PRKN: variants seen among roughly 807,000 people sequenced by gnomAD.
PRKN encodes parkin RBR E3 ubiquitin protein ligase.
A neutral mutation model predicts 59.5 loss-of-function variants in PRKN; 56 were observed. The ratio of observed to expected loss-of-function variants is 0.94; its 90% CI spans 0.76 to 1.18. PRKN has a LOEUF of 1.18. PRKN is among the 50% of genes most tolerant of loss of function. The probability of loss-of-function intolerance (pLI) is 0.00; values close to 1 mark genes in which losing one functional copy is unlikely to be tolerated. For missense variants in PRKN, 657 were observed against 596.4 expected (o/e 1.10, Z -1.06); for synonymous variants, 250 against 222.1 (o/e 1.13, Z -1.12).
chr6:161,661,405 C>G (rs757756748), intron 7 of PRKN, among the ~76,000 whole-genome samples: 25 of 152,130 alleles, frequency 1.6e-4, no homozygotes, highest in Non-Finnish European at 2.8e-4. Context: ...CTGGAACTCC[C>G]CTCCCAGATA....
chr6:161,938,284 A>G (rs1184158154), intron 6 of PRKN, among the ~76,000 whole-genome samples: 7 of 152,172 alleles, frequency 4.6e-5, no homozygotes, highest in African/African-American at 1.7e-4. Flanking sequence ...GCATTAATAC[A>G]TTTTCAGGAC....
At chr6:162,558,638 T>C (rs1269130108) in intron 1 of PRKN, among the ~76,000 whole-genome samples, 1 of 143,030 alleles carries the variant, frequency 7.0e-6, no homozygotes, top group Non-Finnish European at 1.5e-5. Flanking sequence ...AATTTTCTAC[T>C]TTTTTTTTTT....
intron 6 of PRKN, among the ~76,000 whole-genome samples, chr6:161,803,590 G>C (rs1239048035): frequency 6.6e-6 from 1 of 152,200 alleles, no homozygotes; most frequent in Non-Finnish European, 1.5e-5. Flanking sequence ...CCCAGCCCCA[G>C]CTCAACTCGG....
At chr6:162,109,054 T>C (rs867629217) in intron 4 of PRKN, among the ~76,000 whole-genome samples, 15 of 152,296 alleles carry the variant, frequency 9.8e-5, no homozygotes, top group Middle Eastern at 6.8e-3. Context: ...TTTAATTTCA[T>C]GGGGTGGATT....
intron 7 of PRKN, among the ~76,000 whole-genome samples, chr6:161,628,533 T>C (rs533455524): frequency 1.2e-4 from 18 of 152,334 alleles, no homozygotes; most frequent in African/African-American, 3.6e-4. Flanking sequence ...GAGTTCACCA[T>C]ATACATTTTG....
At chr6:162,388,731 T>C (rs1786985522) in intron 2 of PRKN, among the ~76,000 whole-genome samples, 1 of 152,118 alleles carries the variant, frequency 6.6e-6, no homozygotes, top group Non-Finnish European at 1.5e-5. Context: ...TGGACCCCTC[T>C]CTCTTCTCCA....
At chr6:162,390,425 AC>A (rs1237939000) in intron 2 of PRKN, among the ~76,000 whole-genome samples, 6 of 141,492 alleles carry the variant, frequency 4.2e-5, no homozygotes, top group African/African-American at 1.4e-4. Flanking sequence ...ACACACACAC[AC>A]ACCTTATATA....
intron 2 of PRKN, among the ~76,000 whole-genome samples, chr6:162,342,821 C>T (rs1186226446): frequency 6.6e-6 from 1 of 152,154 alleles, no homozygotes; most frequent in East Asian, 1.9e-4. Flanking sequence ...CCTTTGGCTT[C>T]TAATCCCTAA....
In PRKN at chr6:161,678,737, T is replaced by C. The variant is rs543105350; in HGVS notation, c.871+107035A>G. On this transcript the variant is annotated intron_variant, in intron 7 of 11. Transcript: ENST00000366898. ...GCACCACCATGCCTGGCTAATTTTT[T>C]TGTATTTTTAATAGAGATGGGGTTT... Among the ~76,000 whole-genome samples the C allele has an allele frequency of 1.4e-3, 211 of 152,166 alleles. 2 individuals carry two copies. Among genetic ancestry groups the C allele is most frequent in the Non-Finnish European group, 1.6e-3 (107 of 68,010 alleles).
At chr6:162,227,549 G>A (rs758502823) in intron 3 of PRKN, among the ~76,000 whole-genome samples, 5 of 152,056 alleles carry the variant, frequency 3.3e-5, no homozygotes, top group African/African-American at 9.7e-5. Flanking sequence ...TAGAAATGGC[G>A]CAAATATGTG....
At chr6:162,319,483 T>C (rs1782894710) in intron 2 of PRKN, among the ~76,000 whole-genome samples, 1 of 152,016 alleles carries the variant, frequency 6.6e-6, no homozygotes, top group Non-Finnish European at 1.5e-5. Flanking sequence ...ATAGCTGTTT[T>C]AATGCTCTAA....
At chr6:162,202,460 G>C (rs1422045339) in intron 3 of PRKN, among the ~76,000 whole-genome samples, 1 of 152,008 alleles carries the variant, frequency 6.6e-6, no homozygotes, top group Non-Finnish European at 1.5e-5. Context: ...TTTATCATTT[G>C]TTTGCAATAT....
intron 7 of PRKN, among the ~76,000 whole-genome samples, chr6:161,679,556 CTTTTTTTTTTTT>C (rs34325718): frequency 2.8e-5 from 3 of 109,034 alleles, no homozygotes; most frequent in Admixed American, 1.0e-4. Context: ...AGTTTCAAGT[CTTTTTTTTTTTT>C]TTTTTTTTTT....
In PRKN at chr6:161,597,978, C is replaced by T. The variant is rs377608566; in HGVS notation, c.872-28562G>A. Among the ~76,000 whole-genome samples, 6 of 152,220 alleles carry T rather than the reference C, an allele frequency of 3.9e-5. No homozygotes were observed. The South Asian group carries it at 6.2e-4, about 16-fold the overall frequency. ...TTCTTAGTGCAGAAGGGGAGAAGGT[C>T]CTATGGTTTTAATCAGATTCTCAAA... On this transcript the variant is annotated intron_variant, in intron 7 of 11. Coordinates refer to ENST00000366898, the MANE Select transcript of PRKN (RefSeq NM_004562.3).
chr6:162,609,109 A>C (rs1017764638), intron 1 of PRKN, among the ~76,000 whole-genome samples: 2 of 152,226 alleles, frequency 1.3e-5, no homozygotes, highest in African/African-American at 2.4e-5. Context: ...AGAAGCTAGA[A>C]AGAAACATAA....
At chr6:162,065,878 T>C (rs759810660) in intron 4 of PRKN, among the ~76,000 whole-genome samples, 1 of 152,244 alleles carries the variant, frequency 6.6e-6, no homozygotes, top group Non-Finnish European at 1.5e-5. Context: ...GCTTCGTCCA[T>C]GTCTCTGCAA....
intron 1 of PRKN, among the ~76,000 whole-genome samples, chr6:162,706,787 G>A: frequency 6.6e-6 from 1 of 151,458 alleles, no homozygotes; most frequent in Admixed American, 6.6e-5. Context: ...TCTTCTATTT[G>A]CAAAACATAA....
At chr6:162,503,688 T>C (rs1342968850) in intron 1 of PRKN, among the ~76,000 whole-genome samples, 1 of 152,214 alleles carries the variant, frequency 6.6e-6, no homozygotes, top group Non-Finnish European at 1.5e-5. Context: ...CAATTATATT[T>C]ACCATTATCT....
At chr6:162,529,992 T>A (rs1192778774) in intron 1 of PRKN, among the ~76,000 whole-genome samples, 2 of 151,918 alleles carry the variant, frequency 1.3e-5, no homozygotes, top group Non-Finnish European at 2.9e-5. Flanking sequence ...TAGCCGGGCG[T>A]GATGGCACAT....
Sources: allele counts gnomAD v4.1 joint callset (sites outside exome capture counted in the v4.1 genomes callset), GRCh38; gene constraint gnomAD v4.1.1; transcripts MANE v1.5; gene names NCBI Gene and HGNC (gene_info 2026-07-23, HGNC 2026-07-21).